NPLOC4: variants seen among roughly 807,000 people sequenced by gnomAD.
NPLOC4 encodes the protein nuclear protein localization protein 4 homolog.
A neutral mutation model predicts 80.6 loss-of-function variants in NPLOC4; 18 were observed. That is an observed-to-expected ratio of 0.22 (90% CI 0.15 to 0.33). The LOEUF (loss-of-function observed/expected upper bound fraction) is 0.33. Ranked by LOEUF, NPLOC4 falls within the 10% of genes least tolerant of loss-of-function variation. The probability of loss-of-function intolerance (pLI) is 1.00; values close to 1 mark genes in which losing one functional copy is unlikely to be tolerated. For missense variants in NPLOC4, 540 were observed against 786.1 expected (o/e 0.69, Z 3.74); for synonymous variants, 313 against 301.5 (o/e 1.04, Z -0.39).
chr17:81,605,578 G>C (rs1019191978), intron 7 of NPLOC4, among the ~76,000 whole-genome samples: 2 of 151,720 alleles, frequency 1.3e-5, no homozygotes, highest in African/African-American at 4.8e-5. Context: ...CACCTGGGAG[G>C]CTGAGGTTGC....
chr17:81,585,170 C>CAAAAAAAAAAAAAAAAAAAAAAAAAAAAA (rs35473939), intron 12 of NPLOC4, among the ~76,000 whole-genome samples: 2 of 40,884 alleles, frequency 4.9e-5, no homozygotes, highest in African/African-American at 2.6e-4. Context: ...ACTCTGTCGC[C>CAAAAAAAAAAAAAAAAAAAAAAAAAAAAA]AAAAAAAAAA....
chr17:81,602,900 T>C (rs189797172), intron 8 of NPLOC4, among the ~76,000 whole-genome samples: 5 of 150,124 alleles, frequency 3.3e-5, no homozygotes, highest in South Asian at 2.1e-4. Flanking sequence ...TATATACACA[T>C]ACATACATAT....
At chr17:81,617,667 C>CT in intron 3 of NPLOC4, among the ~76,000 whole-genome samples, 1 of 148,646 alleles carries the variant, frequency 6.7e-6, no homozygotes, top group African/African-American at 2.6e-5. Context: ...AAATGCCCCC[C>CT]CTCCCCCTCC....
chr17:81,575,116 T>C lies in NPLOC4; in HGVS notation c.1282-3028A>G, dbSNP rs564176390. Among the ~76,000 whole-genome samples, 319 of 152,304 alleles carry C rather than the reference T, an allele frequency of 2.1e-3. 5 individuals are homozygous for C. The highest frequency in any genetic ancestry group is 7.5e-3 in the African/African-American group (311 of 41,578). On this transcript the variant is annotated intron_variant, in intron 12 of 16. Transcript: ENST00000331134. ...GACACTCGGTTACTTTTCTTTTTTTTTGAGAGGGAGTCTCGCTCTGTCGCC... is the reference window on the plus strand; with the variant it reads ...GACACTCGGTTACTTTTCTTTTTTTCTGAGAGGGAGTCTCGCTCTGTCGCC...
At chr17:81,615,165 T>G (rs576467112) in intron 3 of NPLOC4, among the ~76,000 whole-genome samples, 1 of 147,240 alleles carries the variant, frequency 6.8e-6, no homozygotes, top group Non-Finnish European at 1.5e-5. Flanking sequence ...AGTGGCGTGA[T>G]CTTGGCTCAC....
At chr17:81,597,750 T>C (rs1472677241) in intron 9 of NPLOC4, among the ~76,000 whole-genome samples, 1 of 128,822 alleles carries the variant, frequency 7.8e-6, no homozygotes, top group African/African-American at 3.1e-5. Flanking sequence ...GCCATTGCAC[T>C]CCAGCCTGGG....
intron 16 of NPLOC4, chr17:81,565,066 G>A (rs149829417): frequency 6.9e-5 from 38 of 550,026 alleles, no homozygotes; most frequent in East Asian, 3.4e-4. Flanking sequence ...GGTCCGTTCC[G>A]TAGTGTCCAC....
intron 12 of NPLOC4, among the ~76,000 whole-genome samples, chr17:81,579,069 C>T (rs1002934969): frequency 2.0e-5 from 3 of 152,188 alleles, no homozygotes; most frequent in African/African-American, 7.2e-5. Context: ...CACAGGTGCA[C>T]ACAGCATAGA....
chr17:81,571,523 G>A (rs114184180), intron 13 of NPLOC4, among the ~76,000 whole-genome samples: 2,054 of 152,314 alleles, frequency 0.013, 53 homozygotes, highest in African/African-American at 0.047. Flanking sequence ...TGTCCCCTGG[G>A]GACCACCCTG....
At chr17:81,560,834 CGA>C (rs2033828839) in intron 16 of NPLOC4, 1 of 152,204 alleles carries the variant, frequency 6.6e-6, no homozygotes, top group South Asian at 2.1e-4. Context: ...TCGCAAGGTA[CGA>C]GAGTCCCAGC....
At chr17:81,609,211 G>T (rs536557388) in intron 5 of NPLOC4, among the ~76,000 whole-genome samples, 1 of 152,096 alleles carries the variant, frequency 6.6e-6, no homozygotes, top group African/African-American at 2.4e-5. Flanking sequence ...GTGGAGACGG[G>T]GTTTCAGCAT....
At chr17:81,588,223 G>C (rs954623451) in intron 12 of NPLOC4, 7 of 152,212 alleles carry the variant, frequency 4.6e-5, no homozygotes, top group African/African-American at 1.4e-4. Context: ...GTAAACTGCG[G>C]GACAACTTCA....
At chr17:81,575,632 A>G (rs758742235) in intron 12 of NPLOC4, among the ~76,000 whole-genome samples, 7 of 152,204 alleles carry the variant, frequency 4.6e-5, no homozygotes, top group Non-Finnish European at 8.8e-5. Flanking sequence ...ACAGCTGTGT[A>G]GAGACTGGGC....
chr17:81,627,323 C>T (rs1410054847), intron 2 of NPLOC4, among the ~76,000 whole-genome samples: 2 of 149,090 alleles, frequency 1.3e-5, no homozygotes, highest in East Asian at 3.9e-4. Context: ...ACCTGGGAGG[C>T]AGAGCTTGCA....
Position 81,559,877 on chromosome 17 carries a change from C to A in NPLOC4, c.1670-461G>T, listed in dbSNP as rs535528554. Among the ~76,000 whole-genome samples the A allele has an allele frequency of 2.1e-3, 323 of 151,906 alleles. 3 individuals carry two copies. The highest frequency in any genetic ancestry group is 7.6e-3 in the African/African-American group (317 of 41,446). ...CCTCCCAAGTAGCTGGGATTACAGG[C>A]ATGAACCACAATGCCTGGCTAATTT... On this transcript the variant is annotated intron_variant, in intron 16 of 16. Coordinates refer to ENST00000331134, the MANE Select transcript of NPLOC4 (RefSeq NM_017921.4).
intron 2 of NPLOC4, among the ~76,000 whole-genome samples, chr17:81,629,227 C>G (rs1479224556): frequency 7.2e-6 from 1 of 138,812 alleles, no homozygotes; most frequent in Non-Finnish European, 1.5e-5. Context: ...GAGTCTCACT[C>G]TGTTGCCCAG....
At chr17:81,586,283 A>G (rs1351754141) in intron 12 of NPLOC4, among the ~76,000 whole-genome samples, 1 of 152,074 alleles carries the variant, frequency 6.6e-6, no homozygotes, top group Non-Finnish European at 1.5e-5. Flanking sequence ...ACATGCAGCC[A>G]TTCTCTCCCC....
chr17:81,610,349 A>C, intron 4 of NPLOC4, 91 bp from the exon 5 acceptor site: 2 of 1,132,266 alleles, frequency 1.8e-6, no homozygotes, highest in South Asian at 2.7e-5. Context: ...ACTTTAACAG[A>C]GTGTTTCCCT....
chr17:81,619,705 CCT>C (rs2035613770), intron 3 of NPLOC4, among the ~76,000 whole-genome samples: 1 of 151,746 alleles, frequency 6.6e-6, no homozygotes, highest in Non-Finnish European at 1.5e-5. Flanking sequence ...ACGGTGAAAC[CCT>C]GTCTCTACTA....
Sources: gnomAD v4.1 joint callset for allele counts (sites outside exome capture counted in the v4.1 genomes callset) on GRCh38, gnomAD v4.1.1 for gene constraint, MANE v1.5 for transcripts, NCBI Gene and HGNC (gene_info 2026-07-23, HGNC 2026-07-21) for gene names.